The following CNTRL variants were observed in gnomAD, a reference collection of about 807,000 sequenced individuals.
CNTRL encodes the protein 110 kDa centrosomal protein.
CNTRL carries 233 observed loss-of-function variants against 303.7 expected under a neutral mutation model. The ratio of observed to expected loss-of-function variants is 0.77; its 90% confidence interval spans 0.69 to 0.86. The LOEUF is 0.86. Among genes scored for constraint, CNTRL ranks in the 40% least tolerant of loss-of-function variants. The pLI, the probability that CNTRL is intolerant of heterozygous loss-of-function variation, is 0.00. For missense variants in CNTRL, 2,524 were observed against 2,650.6 expected, an observed-to-expected ratio of 0.95 and a Z score of 1.05; for synonymous variants, 900 against 922.2, an observed-to-expected ratio of 0.98 and a Z score of 0.44.
chr9:121,151,384 CTTCTTTT>C (rs1274134774), intron 25 of CNTRL, among the ~76,000 whole-genome samples: 3 of 91,520 alleles, frequency 3.3e-5, no homozygotes, highest in Non-Finnish European at 4.3e-5. Flanking sequence ...CTTTTTTCTT[CTTCTTTT>C]TTTTTTTTTT....
chr9:121,091,073 G>T (rs1376801322), intron 4 of CNTRL, among the ~76,000 whole-genome samples: 3 of 152,194 alleles, frequency 2.0e-5, no homozygotes, highest in African/African-American at 4.8e-5. Flanking sequence ...CTGCCCCCAT[G>T]ATTCAATTAT....
intron 4 of CNTRL, among the ~76,000 whole-genome samples, chr9:121,094,127 C>T (rs981856406): frequency 4.8e-5 from 7 of 146,224 alleles, no homozygotes; most frequent in Admixed American, 2.1e-4. Flanking sequence ...CCCACCCCCG[C>T]AAAAAAAAAG....
At chr9:121,142,438 A>G (rs1320742166) in intron 19 of CNTRL, among the ~76,000 whole-genome samples, 168 bp downstream of exon 19, 3 of 152,356 alleles carry the variant, frequency 2.0e-5, no homozygotes, top group East Asian at 1.9e-4. Flanking sequence ...CATTGAATCA[A>G]GAAGCTAAGA....
intron 7 of CNTRL, among the ~76,000 whole-genome samples, chr9:121,099,390 C>A (rs910201149): frequency 6.6e-6 from 1 of 152,116 alleles, no homozygotes; most frequent in African/African-American, 2.4e-5. Context: ...CACACCAAAA[C>A]CCTATCTGTA....
At position 121,118,357 on chromosome 9, in the gene CNTRL, A is replaced by C. The variant is rs2050076331; in HGVS notation, c.1467A>C (p.Ala489=). The part of the protein sequence containing the change: ...EAIQLKKISE[A]GKDLLYKQLS... ...TTTGGGGAGATTAGATTTCAGAAGC[A>C]GGGAAAGACCTTCTTTACAAGCAGT... is the stretch of plus-strand genomic sequence containing the variant. The change falls in exon 12 of 44, where the codon GCA becomes GCC. Residue 489 remains alanine, a synonymous_variant. Coordinates refer to ENST00000373855, the MANE Select transcript of CNTRL (RefSeq NM_007018.6). The C allele has an allele frequency of 1.3e-6, 2 of 1,583,436 alleles. No individual in the cohort carries two copies. Among genetic ancestry groups the C allele is most frequent in the Non-Finnish European group, 1.7e-6 (2 of 1,164,360 alleles).
intron 32 of CNTRL, chr9:121,161,280 C>T (rs1300528668): frequency 4.5e-6 from 2 of 444,054 alleles, no homozygotes; most frequent in African/African-American, 2.1e-5. Context: ...TTGTATTTTC[C>T]AGCTTTTCTA....
chr9:121,101,248 A>C (rs2049152898), intron 7 of CNTRL, among the ~76,000 whole-genome samples: 1 of 152,166 alleles, frequency 6.6e-6, no homozygotes, highest in Admixed American at 6.5e-5. Flanking sequence ...TAAGAAACTC[A>C]CTCAAAACCG....
chr9:121,098,402 A>G lies in CNTRL; in HGVS notation c.638A>G (p.Lys213Arg). The change falls in exon 7 of 44, where the codon AAG becomes AGG. Residue 213 changes from lysine (K) to arginine (R), a missense_variant. Physicochemically the swap from Lys to Arg is conservative, Grantham distance 26 (BLOSUM62 2). Coordinates refer to ENST00000373855, the MANE Select transcript of CNTRL (RefSeq NM_007018.6). Reference protein sequence around the residue: ...NKISSLQDISKLKPLQDLISL... With the variant: ...NKISSLQDISRLKPLQDLISL... Reference sequence around the variant, plus strand: ...TCATTTCAGCTCCAAGATATAAGCAAGTTGAAACCGCTTCAAGATTTGATT... The same window carrying G: ...TCATTTCAGCTCCAAGATATAAGCAGGTTGAAACCGCTTCAAGATTTGATT... 6.2e-7 allele frequency: 1 copy of G among 1,610,350 alleles called. No homozygotes were observed. Among genetic ancestry groups the G allele is most frequent in the South Asian group, 1.1e-5 (1 of 90,760 alleles).
intron 16 of CNTRL, among the ~76,000 whole-genome samples, chr9:121,140,219 G>T (rs912350828): frequency 2.6e-5 from 4 of 152,176 alleles, no homozygotes; most frequent in African/African-American, 2.4e-5. Context: ...TTCAGGTCCA[G>T]CATTTATATA....
At chr9:121,100,249 A>G (rs1008073028) in intron 7 of CNTRL, among the ~76,000 whole-genome samples, 2 of 152,266 alleles carry the variant, frequency 1.3e-5, no homozygotes, top group Non-Finnish European at 2.9e-5. Flanking sequence ...GTAGGGGCCA[A>G]TATTCAACAT....
chr9:121,140,536 C>G, intron 16 of CNTRL, 105 bp from the exon 17 acceptor site: 14 of 929,930 alleles, frequency 1.5e-5, no homozygotes, highest in Non-Finnish European at 2.1e-5. Context: ...TTGAAAGAGG[C>G]ATTGTCTGAA....
At chr9:121,169,233 C>T (rs1470349271) in intron 38 of CNTRL, among the ~76,000 whole-genome samples, 2 of 152,174 alleles carry the variant, frequency 1.3e-5, no homozygotes, top group East Asian at 3.9e-4. Context: ...GCACTGCCTC[C>T]TGTGGAAGGA....
chr9:121,175,977 G>A (rs77663532), intron 43 of CNTRL, among the ~76,000 whole-genome samples: 17,666 of 152,164 alleles, frequency 0.12, 1,193 homozygotes, highest in East Asian at 0.18. Flanking sequence ...TTTCACAAAG[G>A]TTTTCTGTGT....
intron 10 of CNTRL, 80 bp from the exon 11 acceptor site, chr9:121,115,011 G>A: frequency 1.1e-6 from 1 of 876,104 alleles, no homozygotes; most frequent in Non-Finnish European, 1.8e-6. Context: ...TTATTACAAA[G>A]AAAGAATACC....
At position 121,162,280 on chromosome 9, in the gene CNTRL, A is replaced by C; in HGVS notation, c.5423+9A>C. The C allele has an allele frequency of 6.2e-7, 1 of 1,605,576 alleles. No homozygotes were observed. The highest frequency in any genetic ancestry group is 8.5e-7 in the Non-Finnish European group (1 of 1,172,396). The stretch of plus-strand genomic sequence containing the variant: ...TTGGCACAAACCAAAAGGTGAGAGC[A>C]AGAACAAATAAGCTTGCAGGATCAC... On this transcript the variant is annotated intron_variant, in intron 34 of 43. Transcript: ENST00000373855.
At chr9:121,136,114 G>A (rs1392962648) in intron 15 of CNTRL, 132 bp downstream of exon 15, 6 of 772,790 alleles carry the variant, frequency 7.8e-6, no homozygotes, top group Middle Eastern at 2.7e-4. Flanking sequence ...GGGAAAGGCA[G>A]AATTTTGGAG....
Position 121,141,423 on chromosome 9 carries a change from T to C in CNTRL, c.2526T>C (p.Asp842=). 6.2e-7 allele frequency: 1 copy of C among 1,614,030 alleles called. No homozygotes were observed. Among genetic ancestry groups the C allele is most frequent in the South Asian group, 1.1e-5 (1 of 91,082 alleles). ...PSDVLGKSLA[D]LQKQFSEILA... The stretch of plus-strand genomic sequence containing the variant: ...ATGTCTTAGGGAAAAGTCTTGCTGA[T>C]TTACAGAAACAATTCAGTGAAATTC... The change falls in exon 18 of 44, where the codon GAT becomes GAC. Residue 842 remains aspartate (D), a synonymous_variant. Coordinates refer to ENST00000373855, the MANE Select transcript of CNTRL (RefSeq NM_007018.6).
rs372873700 is a variant in CNTRL at position 121,112,554 on chromosome 9, G to C, written c.1098G>C (p.Glu366Asp). The C allele has an allele frequency of 6.2e-7, 1 of 1,612,454 alleles. No individual in the cohort carries two copies. Residue 366 changes from glutamate (E) to aspartate (D), a missense_variant, in exon 9 of 44, where the codon GAG becomes GAC. Transcript: ENST00000373855. ...LAFYKIDAKF[E>D]PLNYYPSEYA... is the part of the protein sequence containing the mutation. ...TTTATAAAATTGATGCTAAATTTGA[G>C]CCACTAAATTATTATCCATCAGAGG... is the stretch of plus-strand genomic sequence containing the variant.
chr9:121,155,037 T>A, intron 27 of CNTRL, 124 bp downstream of exon 27: 2 of 833,572 alleles, frequency 2.4e-6, no homozygotes, highest in Non-Finnish European at 2.1e-6. Context: ...ACAGCCAGGT[T>A]CCAGGCTGGA....
Sources: gnomAD v4.1 joint callset for allele counts (sites outside exome capture counted in the v4.1 genomes callset) on GRCh38, gnomAD v4.1.1 for gene constraint, MANE v1.5 for transcripts, NCBI Gene and HGNC (gene_info 2026-07-23, HGNC 2026-07-21) for gene names.